PPIL2: variants seen among roughly 807,000 people sequenced by gnomAD.
The protein encoded by PPIL2 is RING-type E3 ubiquitin-protein ligase PPIL2.
A neutral mutation model predicts 75.2 loss-of-function variants in PPIL2; 50 were observed. That is an observed-to-expected ratio of 0.66 (90% CI 0.53 to 0.84). The LOEUF is 0.84. Ranked by LOEUF, PPIL2 falls within the 40% of genes least tolerant of loss-of-function variation. PPIL2 has a pLI of 0.00. For missense variants in PPIL2, 590 were observed against 685.0 expected (o/e 0.86, Z 1.55); for synonymous variants, 245 against 258.8 (o/e 0.95, Z 0.51).
intron 15 of PPIL2, 38 bp downstream of exon 15, chr22:21,688,887 G>A (rs1481080568): frequency 1.9e-6 from 3 of 1,568,122 alleles, no homozygotes; most frequent in South Asian, 1.1e-5. Context: ...CCTGGGAGGT[G>A]AGCCGGCACT....
chr22:21,681,741 C>T lies in PPIL2; in HGVS notation c.387+351C>T, dbSNP rs572131727. On this transcript the variant is annotated intron_variant, in intron 7 of 19. Transcript: ENST00000398831. ...CCTCTAGGGCTGTGAGGGGAGTGCT[C>T]GCCCCGGATCTGGATGGAGTCACTT... is the stretch of plus-strand genomic sequence containing the variant. Among the ~76,000 whole-genome samples the T allele has an allele frequency of 1.2e-3, 184 of 152,342 alleles. 1 individual carries two copies. Among genetic ancestry groups the T allele is most frequent in the African/African-American group, 4.0e-3 (167 of 41,572 alleles).
intron 5 of PPIL2, 65 bp from the exon 6 acceptor site, chr22:21,674,999 C>A: frequency 7.0e-7 from 1 of 1,427,626 alleles, no homozygotes; most frequent in Middle Eastern, 1.8e-4. Context: ...CTGTCTCTGA[C>A]CCTAGCATCT....
At position 21,682,538 on chromosome 22, in the gene PPIL2, C is replaced by G. The variant is rs1348142081; in HGVS notation, c.477+12C>G. 1 of 1,542,190 alleles carries G rather than the reference C, an allele frequency of 6.5e-7. No individual in the cohort carries two copies. Among genetic ancestry groups the G allele is most frequent in the Non-Finnish European group, 8.7e-7 (1 of 1,143,102 alleles). ...TCATCACCCTCCAGGTGAGTGTCCC[C>G]TGCCTGCCTGCCCCAGCTGCCTTCA... On this transcript the variant is annotated intron_variant, in intron 8 of 19. Transcript: ENST00000398831.
At chr22:21,679,622 A>C (rs2067019326) in intron 6 of PPIL2, among the ~76,000 whole-genome samples, 1 of 150,528 alleles carries the variant, frequency 6.6e-6, no homozygotes, top group African/African-American at 2.4e-5. Flanking sequence ...CAAAACAAAA[A>C]AACGGGGTCT....
At chr22:21,682,756 A>G (rs2067184882) in intron 8 of PPIL2, among the ~76,000 whole-genome samples, 1 of 152,250 alleles carries the variant, frequency 6.6e-6, no homozygotes, top group Non-Finnish European at 1.5e-5. Context: ...TGCAGGTGTC[A>G]GAGAACCCCA....
At chr22:21,693,924 C>A in intron 16 of PPIL2, 52 bp downstream of exon 16, 1 of 1,503,352 alleles carries the variant, frequency 6.7e-7, no homozygotes, top group South Asian at 1.1e-5. Context: ...TAGGTGGGTT[C>A]CTTCCCCACC....
At chr22:21,692,909 G>T (rs2067739620) in intron 15 of PPIL2, among the ~76,000 whole-genome samples, 1 of 146,588 alleles carries the variant, frequency 6.8e-6, no homozygotes, top group Non-Finnish European at 1.5e-5. Context: ...CTGGGGGACA[G>T]AGCAAGATTC....
In PPIL2 at chr22:21,681,448, C is replaced by T. The variant is rs5749642; in HGVS notation, c.387+58C>T. 4,214 of 1,443,732 alleles carry T rather than the reference C, an allele frequency of 2.9e-3. 74 individuals carry two copies. Among genetic ancestry groups the T allele is most frequent in the East Asian group, 0.019 (840 of 44,016 alleles). 89.4% of individuals were successfully genotyped at this position (1,443,732 alleles called of 1,614,324 possible). The stretch of plus-strand genomic sequence containing the variant: ...GTGGGGAGATCTCTGCTGTGTGTTC[C>T]TAGTATACACTGGCTGGGCTGTGTG... On this transcript the variant is annotated intron_variant, in intron 7 of 19. Transcript: ENST00000398831.
In PPIL2 at chr22:21,693,460, TTGA is replaced by T. The variant is rs2067772456; in HGVS notation, c.1140-352_1140-350del. On this transcript the variant is annotated intron_variant, in intron 15 of 19. Transcript: ENST00000398831. Reference sequence around the variant, plus strand: ...TCTCCTCAGTCCTTCAACAGGTCCCTTGATGACATGGGGCTGGCTCTGGTTTTC... The same window carrying T: ...TCTCCTCAGTCCTTCAACAGGTCCCTTGACATGGGGCTGGCTCTGGTTTTC... 6.6e-5 allele frequency among the ~76,000 whole-genome samples: 10 copies of T among 152,254 alleles called. No individual in the cohort carries two copies. In the South Asian group the frequency reaches 2.1e-3, roughly 31 times the overall value.
chr22:21,699,690 T>C (rs1289886283), downstream of PPIL2: 1 of 152,822 alleles, frequency 6.5e-6, no homozygotes, highest in Non-Finnish European at 1.5e-5. Flanking sequence ...ATGTCAAGTT[T>C]TGAAGTTTTT....
intron 6 of PPIL2, among the ~76,000 whole-genome samples, chr22:21,680,829 CA>C (rs762340467): frequency 0.3 from 15,207 of 50,056 alleles, 287 homozygotes; most frequent in South Asian, 0.34. Context: ...GACTCCATCT[CA>C]AAAAAAAAAA....
At position 21,688,834 on chromosome 22, in the gene PPIL2, G is replaced by A. The variant is rs1390525040; in HGVS notation, c.1124G>A (p.Ser375Asn). ...ILSMANSGPN[S>N]NRSQFFITFR... The stretch of plus-strand genomic sequence containing the variant: ...AGCATGGCCAACTCCGGGCCCAACA[G>A]CAACAGGTCTCAATTGTGAGTCAGC... Residue 375 changes from serine (S) to asparagine (N), a missense_variant, in exon 15 of 20, where the codon AGC (serine) becomes AAC (asparagine). Ser to Asn is a conservative substitution (Grantham distance 46). Coordinates refer to ENST00000398831, the MANE Select transcript of PPIL2 (RefSeq NM_014337.4). 6.2e-7 allele frequency: 1 copy of A among 1,614,202 alleles called. No homozygotes were observed. Among genetic ancestry groups the A allele is most frequent in the Admixed American group, 1.7e-5 (1 of 60,032 alleles).
chr22:21,695,103 C>T, intron 19 of PPIL2, 33 bp downstream of exon 19: 1 of 1,560,938 alleles, frequency 6.4e-7, no homozygotes, highest in South Asian at 1.2e-5. Flanking sequence ...CCCTGTTTCC[C>T]ATGGTGTTTC....
chr22:21,666,159 G>A (rs1368957795), intron 1 of PPIL2, 28 bp downstream of exon 1: 14 of 1,599,552 alleles, frequency 8.8e-6, no homozygotes, highest in Non-Finnish European at 1.2e-5. Context: ...CGGGAGCGGC[G>A]CTCCACTCTG....
Position 21,686,899 on chromosome 22 carries a change from C to T in PPIL2, c.798C>T (p.Ile266=), listed in dbSNP as rs200163747. The T allele has an allele frequency of 6.8e-5, 109 of 1,613,936 alleles. No individual in the cohort carries two copies. The East Asian group carries it at 1.9e-3, about 28-fold the overall frequency. The change falls in exon 12 of 20, where the codon ATC becomes ATT. Residue 266 remains isoleucine, a synonymous_variant. Coordinates refer to ENST00000398831, the MANE Select transcript of PPIL2 (RefSeq NM_014337.4). The part of the protein sequence containing the change: ...VPETTHEAAA[I]DEDVLRYQFV... The stretch of plus-strand genomic sequence containing the variant: ...TGGGACCTTGGCTTGTAGCTGCCAT[C>T]GACGAGGATGTGCTGCGCTACCAGT...
downstream of PPIL2, chr22:21,698,648 C>G (rs2068028418): frequency 6.6e-6 from 1 of 152,384 alleles, no homozygotes; most frequent in Admixed American, 6.5e-5. Flanking sequence ...ACTCCTTCTT[C>G]CACCCGGGAA....
intron 9 of PPIL2, among the ~76,000 whole-genome samples, chr22:21,683,710 A>T (rs1208747810): frequency 6.6e-6 from 1 of 152,164 alleles, no homozygotes; most frequent in African/African-American, 2.4e-5. Context: ...GATTTGAGTC[A>T]GGAGAGCCTG....
intron 6 of PPIL2, among the ~76,000 whole-genome samples, chr22:21,676,057 A>T (rs2066829229): frequency 1.3e-5 from 2 of 152,222 alleles, no homozygotes; most frequent in Non-Finnish European, 1.5e-5. Flanking sequence ...TTCCAGGGAG[A>T]TGCTGTAGCA....
At chr22:21,698,502 C>T (rs1482329566), downstream of PPIL2, 4 of 152,468 alleles carry the variant, frequency 2.6e-5, no homozygotes, top group Non-Finnish European at 5.9e-5. Context: ...TCCTCGCACC[C>T]GTGGCAGGCT....
Sources: gnomAD v4.1 joint callset for allele counts (sites outside exome capture counted in the v4.1 genomes callset) on GRCh38, gnomAD v4.1.1 for gene constraint, MANE v1.5 for transcripts, NCBI Gene and HGNC (gene_info 2026-07-23, HGNC 2026-07-21) for gene names.